The following ERGIC1 variants were observed in gnomAD, a reference collection of about 807,000 sequenced individuals.
ERGIC1 encodes the protein endoplasmic reticulum-Golgi intermediate compartment protein 1.
ERGIC1 carries 19 observed loss-of-function variants against 38.3 expected under a neutral mutation model. That is an observed-to-expected ratio of 0.50 (90% CI 0.35 to 0.73). ERGIC1 has a LOEUF of 0.73. Ranked by LOEUF, ERGIC1 falls within the 30% of genes least tolerant of loss-of-function variation. The pLI is 0.01. For missense variants in ERGIC1, 294 were observed against 389.2 expected (o/e 0.76, Z 2.06); for synonymous variants, 124 against 157.6 (o/e 0.79, Z 1.60).
chr5:172,931,619 AAACTAT>A (rs1283593484), intron 7 of ERGIC1, among the ~76,000 whole-genome samples: 77 of 152,322 alleles, frequency 5.1e-4, no homozygotes, highest in African/African-American at 1.8e-3. Context: ...TTTAAAAGTA[AAACTAT>A]TCAGACAATG....
At chr5:172,835,994 G>C (rs1241441896) in intron 1 of ERGIC1, among the ~76,000 whole-genome samples, 1 of 152,172 alleles carries the variant, frequency 6.6e-6, no homozygotes, top group Non-Finnish European at 1.5e-5. Flanking sequence ...ATAGGGATTC[G>C]TGCCACCGCC....
At chr5:172,852,388 T>C (rs944527834) in intron 1 of ERGIC1, among the ~76,000 whole-genome samples, 3 of 151,980 alleles carry the variant, frequency 2.0e-5, no homozygotes, top group African/African-American at 7.3e-5. Flanking sequence ...CTCAGACACT[T>C]CCTCATACAG....
At chr5:172,865,239 A>G (rs1761824965) in intron 1 of ERGIC1, among the ~76,000 whole-genome samples, 1 of 152,110 alleles carries the variant, frequency 6.6e-6, no homozygotes, top group East Asian at 1.9e-4. Flanking sequence ...TATTTTTAGT[A>G]GAGACTGGGT....
chr5:172,946,349 A>G (rs1764120546), intron 9 of ERGIC1, among the ~76,000 whole-genome samples: 1 of 152,182 alleles, frequency 6.6e-6, no homozygotes, highest in African/African-American at 2.4e-5. Context: ...GGAAATGCCA[A>G]TCAGCGTCTT....
At chr5:172,884,002 T>C (rs149240615) in intron 1 of ERGIC1, among the ~76,000 whole-genome samples, 2 of 152,236 alleles carry the variant, frequency 1.3e-5, no homozygotes, top group African/African-American at 2.4e-5. Flanking sequence ...AAAAAGACGA[T>C]GTCTGCCAAA....
intron 3 of ERGIC1, among the ~76,000 whole-genome samples, chr5:172,907,071 C>G (rs1763048354): frequency 6.6e-6 from 1 of 152,220 alleles, no homozygotes; most frequent in Non-Finnish European, 1.5e-5. Flanking sequence ...CATCCATCAG[C>G]AAGTCCCGCC....
chr5:172,891,492 A>T (rs1762558353), intron 2 of ERGIC1, among the ~76,000 whole-genome samples: 2 of 151,690 alleles, frequency 1.3e-5, no homozygotes, highest in Admixed American at 1.3e-4. Flanking sequence ...AGGCTGGAGT[A>T]CAGTGGTGGG....
At chr5:172,850,163 G>C (rs921521585) in intron 1 of ERGIC1, among the ~76,000 whole-genome samples, 4 of 152,174 alleles carry the variant, frequency 2.6e-5, no homozygotes, top group Non-Finnish European at 4.4e-5. Flanking sequence ...TTTCGGGCCT[G>C]CCTGACTTTC....
intron 3 of ERGIC1, among the ~76,000 whole-genome samples, chr5:172,899,739 A>G (rs992026365): frequency 6.6e-6 from 1 of 152,198 alleles, no homozygotes; most frequent in East Asian, 1.9e-4. Flanking sequence ...TCAACAAGCA[A>G]ACAAAACTAG....
rs1307614190 is a variant in ERGIC1 at position 172,913,437 on chromosome 5, A to T, written c.251-1277A>T. 2.0e-5 allele frequency among the ~76,000 whole-genome samples: 3 copies of T among 152,234 alleles called. 1 individual carries two copies. Among genetic ancestry groups the T allele is most frequent in the African/African-American group, 7.2e-5 (3 of 41,458 alleles). On this transcript the variant is annotated intron_variant, in intron 4 of 9. Transcript: ENST00000393784. ...TTGTGTTTTCTCTAAACTTCACATT[A>T]TACCATTGGCATTTCCCATGTCCTG...
chr5:172,836,717 C>T (rs1054495900), intron 1 of ERGIC1, among the ~76,000 whole-genome samples: 3 of 152,150 alleles, frequency 2.0e-5, no homozygotes, highest in Non-Finnish European at 2.9e-5. Flanking sequence ...GCATGTGGTC[C>T]GGCTCTCTTT....
chr5:172,852,142 T>C (rs1023157467), intron 1 of ERGIC1, among the ~76,000 whole-genome samples: 4 of 151,406 alleles, frequency 2.6e-5, no homozygotes, highest in Admixed American at 6.6e-5. Context: ...TGGGAGGGAG[T>C]GTCAGTGTTG....
At chr5:172,876,487 T>C (rs1561713232) in intron 1 of ERGIC1, among the ~76,000 whole-genome samples, 1 of 152,364 alleles carries the variant, frequency 6.6e-6, no homozygotes, top group Non-Finnish European at 1.5e-5. Context: ...GGCTTGTTAC[T>C]TGTTTTTAGG....
intron 1 of ERGIC1, among the ~76,000 whole-genome samples, chr5:172,840,677 C>G (rs1462858464): frequency 6.6e-6 from 1 of 152,158 alleles, no homozygotes; most frequent in African/African-American, 2.4e-5. Context: ...TCTGTTACCC[C>G]ACCAGTGAAG....
chr5:172,874,124 G>T (rs1762086440), intron 1 of ERGIC1, among the ~76,000 whole-genome samples: 1 of 152,130 alleles, frequency 6.6e-6, no homozygotes, highest in Non-Finnish European at 1.5e-5. Flanking sequence ...TGTCCCCCGG[G>T]CTGGAGTGCA....
chr5:172,844,201 T>A (rs1761230781), intron 1 of ERGIC1, among the ~76,000 whole-genome samples: 1 of 152,108 alleles, frequency 6.6e-6, no homozygotes, highest in South Asian at 2.1e-4. Flanking sequence ...AGGGAGAAAG[T>A]GGCCAGAGGG....
At chr5:172,924,389 G>A (rs781165252) in intron 6 of ERGIC1, among the ~76,000 whole-genome samples, 2 of 152,210 alleles carry the variant, frequency 1.3e-5, no homozygotes, top group Non-Finnish European at 1.5e-5. Flanking sequence ...ATCAGTAAGC[G>A]TATGTGACAC....
chr5:172,932,540 C>A lies in ERGIC1; in HGVS notation c.642+4C>A. The A allele has an allele frequency of 6.2e-7, 1 of 1,613,672 alleles. No individual in the cohort carries two copies. On this transcript the variant is annotated splice_donor_region_variant and intron_variant, in intron 8 of 9. Coordinates refer to ENST00000393784, the MANE Select transcript of ERGIC1 (RefSeq NM_001031711.3). ...CCAGTACACGGTGGCCAACAAGGTG[C>A]GCGGGCGGTGGCTGGGCCGAGCTGT...
At chr5:172,899,987 C>G (rs774021455) in intron 3 of ERGIC1, among the ~76,000 whole-genome samples, 2 of 152,190 alleles carry the variant, frequency 1.3e-5, no homozygotes, top group Non-Finnish European at 2.9e-5. Flanking sequence ...AAGGCCGCTC[C>G]GCACCAGGCA....
Sources: gnomAD v4.1 joint callset for allele counts (sites outside exome capture counted in the v4.1 genomes callset) on GRCh38, gnomAD v4.1.1 for gene constraint, MANE v1.5 for transcripts, NCBI Gene and HGNC (gene_info 2026-07-23, HGNC 2026-07-21) for gene names.